The following KCND3 variants were observed in gnomAD, a reference collection of about 807,000 sequenced individuals.
The protein encoded by KCND3 is potassium voltage-gated channel subfamily D member 3.
Under a neutral mutation model 51.1 loss-of-function variants are expected in KCND3, and 9 were observed. The observed-to-expected ratio is 0.18, with a 90% confidence interval of 0.11 to 0.31. The LOEUF is 0.31. KCND3 is among the 10% of genes least tolerant of loss of function. The pLI, the probability that KCND3 is intolerant of heterozygous loss-of-function variation, is 1.00. For synonymous variants in KCND3, 349 were observed against 368.0 expected (o/e 0.95, Z 0.59); for missense variants, 526 against 903.8 (o/e 0.58, Z 5.36).
At chr1:111,811,819 T>A (rs1374428919) in intron 2 of KCND3, among the ~76,000 whole-genome samples, 2 of 152,246 alleles carry the variant, frequency 1.3e-5, no homozygotes, top group Non-Finnish European at 2.9e-5. Flanking sequence ...AATAGGTAAG[T>A]ATCATTAGCA....
chr1:111,850,476 C>T (rs1667763820), intron 2 of KCND3, among the ~76,000 whole-genome samples: 1 of 152,154 alleles, frequency 6.6e-6, no homozygotes, highest in Non-Finnish European at 1.5e-5. Flanking sequence ...ACAGTGGACC[C>T]TCCTTTCCTT....
intron 2 of KCND3, among the ~76,000 whole-genome samples, chr1:111,947,991 C>A (rs1293323532): frequency 6.6e-6 from 1 of 152,148 alleles, no homozygotes; most frequent in Non-Finnish European, 1.5e-5. Flanking sequence ...TGAGGAGGGA[C>A]AGGTTGTACA....
rs1281418450 is a variant in KCND3 at position 111,771,248 on chromosome 1, G to A, written c.*4829C>T. On this transcript the variant is annotated 3_prime_UTR_variant, in exon 8 of 8. Coordinates refer to ENST00000302127, the MANE Select transcript of KCND3 (RefSeq NM_001378969.1). ...TTTAAAGCTGTTTCATTTTCTGATA[G>A]CCACTTTCTCTTAGTTTTAATGATG... 2 of 152,188 alleles carry A rather than the reference G, an allele frequency of 1.3e-5. No individual in the cohort carries two copies. The highest frequency in any genetic ancestry group is 3.8e-4 in the East Asian group (2 of 5,202). 9.4% of individuals were successfully genotyped at this position (152,188 alleles called of 1,614,324 possible). A position where few individuals can be genotyped will look rare whatever the true frequency, so the allele number is the denominator to read the frequency against.
At chr1:111,931,485 T>C (rs895842558) in intron 2 of KCND3, among the ~76,000 whole-genome samples, 4 of 152,138 alleles carry the variant, frequency 2.6e-5, no homozygotes, top group Non-Finnish European at 4.4e-5. Context: ...GGAGAGCCCA[T>C]AGCTTTCCTA....
At chr1:111,779,311 C>G (rs575071047) in intron 5 of KCND3, among the ~76,000 whole-genome samples, 7 of 152,092 alleles carry the variant, frequency 4.6e-5, no homozygotes, top group South Asian at 4.2e-4. Flanking sequence ...CCCACACCCC[C>G]CTCCCCACCA....
intron 2 of KCND3, among the ~76,000 whole-genome samples, chr1:111,923,516 T>A (rs1485171835): frequency 6.6e-6 from 1 of 152,188 alleles, no homozygotes; most frequent in African/African-American, 2.4e-5. Context: ...GACAGGTAGT[T>A]GTGCCTAACC....
At chr1:111,944,416 C>T (rs904280260) in intron 2 of KCND3, among the ~76,000 whole-genome samples, 1 of 152,228 alleles carries the variant, frequency 6.6e-6, no homozygotes, top group African/African-American at 2.4e-5. Flanking sequence ...CTTAGCAGGA[C>T]CCCCAAGGAG....
At chr1:111,881,601 C>T (rs138793933) in intron 2 of KCND3, among the ~76,000 whole-genome samples, 1 of 152,340 alleles carries the variant, frequency 6.6e-6, no homozygotes, top group Non-Finnish European at 1.5e-5. Context: ...AGGGAGAAGT[C>T]ACTCAGCAGC....
chr1:111,818,988 T>G (rs1263771431), intron 2 of KCND3, among the ~76,000 whole-genome samples: 1 of 152,184 alleles, frequency 6.6e-6, no homozygotes, highest in Non-Finnish European at 1.5e-5. Flanking sequence ...TTGTTTTATT[T>G]TATTATTAAT....
intron 2 of KCND3, among the ~76,000 whole-genome samples, chr1:111,867,792 A>G (rs1668643376): frequency 6.6e-6 from 1 of 152,252 alleles, no homozygotes; most frequent in African/African-American, 2.4e-5. Flanking sequence ...AGGAACTTGG[A>G]AGAAACCCTT....
intron 2 of KCND3, among the ~76,000 whole-genome samples, chr1:111,899,210 G>A (rs1670266386): frequency 6.6e-6 from 1 of 152,158 alleles, no homozygotes; most frequent in Admixed American, 6.5e-5. Flanking sequence ...GCTTATCACT[G>A]TTCCAGCAGG....
At chr1:111,867,091 G>A (rs967307433) in intron 2 of KCND3, among the ~76,000 whole-genome samples, 3 of 152,192 alleles carry the variant, frequency 2.0e-5, no homozygotes, top group Non-Finnish European at 4.4e-5. Flanking sequence ...TCCTTCATCT[G>A]TAGAAAGGAG....
At chr1:111,888,709 A>G (rs1170977986) in intron 2 of KCND3, among the ~76,000 whole-genome samples, 1 of 151,822 alleles carries the variant, frequency 6.6e-6, no homozygotes, top group Non-Finnish European at 1.5e-5. Flanking sequence ...AGAAATAAAG[A>G]AAACAAAGAC....
chr1:111,816,537 T>C (rs116553897), intron 2 of KCND3, among the ~76,000 whole-genome samples: 2,735 of 152,296 alleles, frequency 0.018, 75 homozygotes, highest in African/African-American at 0.061. Context: ...CCAATGAGTC[T>C]TCACTGATGC....
chr1:111,824,227 G>C (rs111492374), intron 2 of KCND3, among the ~76,000 whole-genome samples: 1 of 152,100 alleles, frequency 6.6e-6, no homozygotes, highest in Non-Finnish European at 1.5e-5. Flanking sequence ...ACAGCTCCAC[G>C]TGGAGAGCAG....
chr1:111,842,975 A>C (rs573190404), intron 2 of KCND3, among the ~76,000 whole-genome samples: 1 of 152,230 alleles, frequency 6.6e-6, no homozygotes, highest in Non-Finnish European at 1.5e-5. Flanking sequence ...CATGGTTAGC[A>C]TCTTTACAGG....
intron 6 of KCND3, among the ~76,000 whole-genome samples, chr1:111,777,661 G>A (rs192105665): frequency 5.5e-4 from 84 of 152,316 alleles, no homozygotes; most frequent in African/African-American, 1.8e-3. Context: ...CAGATAAGGA[G>A]TCACTGACTG....
chr1:111,819,039 G>A (rs558371516), intron 2 of KCND3, among the ~76,000 whole-genome samples: 3 of 151,978 alleles, frequency 2.0e-5, no homozygotes, highest in South Asian at 4.2e-4. Context: ...TCCGTTGCCC[G>A]GGCTGGAGTG....
chr1:111,803,993 C>T (rs980346210), intron 2 of KCND3, among the ~76,000 whole-genome samples: 44 of 152,168 alleles, frequency 2.9e-4, no homozygotes, highest in African/African-American at 9.2e-4. Context: ...AGGGCTGTGT[C>T]TTATGCTACT....
Sources: allele counts gnomAD v4.1 joint callset (sites outside exome capture counted in the v4.1 genomes callset), GRCh38; gene constraint gnomAD v4.1.1; transcripts MANE v1.5; gene names NCBI Gene and HGNC (gene_info 2026-07-23, HGNC 2026-07-21).